SUSD6: variants seen among roughly 807,000 people sequenced by gnomAD.
SUSD6 encodes sushi domain-containing protein 6.
SUSD6 carries 16 observed loss-of-function variants against 28.4 expected under a neutral mutation model. That is an observed-to-expected ratio of 0.56 (90% CI 0.38 to 0.86). The LOEUF (loss-of-function observed/expected upper bound fraction) is 0.86, where lower values mean the gene tolerates loss of function less well. Ranked by LOEUF, SUSD6 falls within the 40% of genes least tolerant of loss-of-function variation. The pLI is 0.00. For missense variants in SUSD6, 341 were observed against 384.2 expected, an observed-to-expected ratio of 0.89 and a Z score of 0.94; for synonymous variants, 147 against 159.6, an observed-to-expected ratio of 0.92 and a Z score of 0.59.
intron 2 of SUSD6, among the ~76,000 whole-genome samples, chr14:69,678,125 T>C (rs971407131): frequency 4.6e-5 from 7 of 152,112 alleles, no homozygotes; most frequent in African/African-American, 1.7e-4. Flanking sequence ...GTGCATTTGG[T>C]GTTCCTGCTT....
rs1466977022 is a variant in SUSD6 at position 69,628,920 on chromosome 14, T to C, written c.-81+17092T>C. Among the ~76,000 whole-genome samples the C allele has an allele frequency of 5.9e-5, 9 of 152,206 alleles. No homozygotes were observed. In the East Asian group the frequency reaches 1.7e-3, roughly 29 times the overall value. ...TGGGGTTTTGCCATGTTACCCAGGC[T>C]GGTCTTGAACTCCTGGGCTCAAGTG... is the stretch of plus-strand genomic sequence containing the variant. On this transcript the variant is annotated intron_variant, in intron 1 of 5. Coordinates refer to ENST00000342745, the MANE Select transcript of SUSD6 (RefSeq NM_014734.4).
chr14:69,700,301 A>G (rs1346173573), intron 2 of SUSD6, among the ~76,000 whole-genome samples: 4 of 152,218 alleles, frequency 2.6e-5, no homozygotes. Context: ...TAGCTCCTGT[A>G]TCAATACTAG....
chr14:69,616,390 G>A (rs1465545036), intron 1 of SUSD6, among the ~76,000 whole-genome samples: 1 of 152,150 alleles, frequency 6.6e-6, no homozygotes, highest in Non-Finnish European at 1.5e-5. Flanking sequence ...TATGTAAACT[G>A]TCCTTGCTGA....
chr14:69,668,635 C>A (rs369163315), intron 2 of SUSD6, among the ~76,000 whole-genome samples: 76 of 137,986 alleles, frequency 5.5e-4, no homozygotes, highest in South Asian at 1.4e-3. Context: ...GAATTCGTCT[C>A]AAAAAAAAAA....
intron 1 of SUSD6, among the ~76,000 whole-genome samples, chr14:69,616,426 C>T (rs1244643821): frequency 6.6e-6 from 1 of 152,190 alleles, no homozygotes; most frequent in African/African-American, 2.4e-5. Flanking sequence ...GACTAGGCTT[C>T]AGCTTCTGAC....
chr14:69,678,324 TTATAATTATA>T (rs1357897504), intron 2 of SUSD6, among the ~76,000 whole-genome samples: 3 of 149,000 alleles, frequency 2.0e-5, no homozygotes, highest in Admixed American at 2.0e-4. Flanking sequence ...GTAACATAAT[TTATAATTATA>T]TATAATTATA....
chr14:69,642,899 G>A (rs1885373920), intron 1 of SUSD6, among the ~76,000 whole-genome samples: 2 of 152,268 alleles, frequency 1.3e-5, no homozygotes, highest in South Asian at 2.1e-4. Context: ...CAGATGTTTG[G>A]TGGTTTTGCT....
chr14:69,668,698 G>A (rs1275748), intron 2 of SUSD6, among the ~76,000 whole-genome samples: 129,311 of 151,514 alleles, frequency 0.85, 56,807 homozygotes, highest in Non-Finnish European at 0.95. Context: ...ATGTTAAATT[G>A]TAATTGCCAG....
intron 2 of SUSD6, among the ~76,000 whole-genome samples, chr14:69,696,345 A>G (rs1886225465): frequency 1.3e-5 from 2 of 152,248 alleles, no homozygotes; most frequent in Admixed American, 1.3e-4. Context: ...GGCACAGGTA[A>G]TAAACTATCT....
intron 1 of SUSD6, among the ~76,000 whole-genome samples, chr14:69,651,419 G>A (rs903784893): frequency 6.6e-6 from 1 of 152,190 alleles, no homozygotes; most frequent in African/African-American, 2.4e-5. Context: ...GGCTTAGGTG[G>A]CTTAAGAGGA....
intron 2 of SUSD6, among the ~76,000 whole-genome samples, chr14:69,698,567 G>A (rs1231754698): frequency 6.6e-6 from 1 of 152,178 alleles, no homozygotes; most frequent in Admixed American, 6.5e-5. Flanking sequence ...GTAAAAGTTT[G>A]TTTTGTTTTA....
chr14:69,684,333 T>C (rs1254926534), intron 2 of SUSD6, among the ~76,000 whole-genome samples: 3 of 152,226 alleles, frequency 2.0e-5, no homozygotes, highest in Admixed American at 6.5e-5. Context: ...AAATCTGATA[T>C]GTAAAATAAA....
intron 2 of SUSD6, among the ~76,000 whole-genome samples, chr14:69,688,230 C>A (rs746391975): frequency 6.6e-6 from 1 of 152,206 alleles, no homozygotes; most frequent in Non-Finnish European, 1.5e-5. Flanking sequence ...TTAGTAGCTA[C>A]CTAGCAAAGT....
chr14:69,646,915 A>T (rs1885436257), intron 1 of SUSD6, among the ~76,000 whole-genome samples: 1 of 151,728 alleles, frequency 6.6e-6, no homozygotes, highest in South Asian at 2.1e-4. Flanking sequence ...GTTAGCCAGG[A>T]TGGTCTCGAA....
intron 1 of SUSD6, among the ~76,000 whole-genome samples, chr14:69,615,105 T>G (rs1163111889): frequency 2.6e-5 from 4 of 152,264 alleles, no homozygotes; most frequent in African/African-American, 9.6e-5. Flanking sequence ...ATGTCTTGTC[T>G]TCTTTTCAAC....
At chr14:69,682,611 T>A (rs1699363402) in intron 2 of SUSD6, among the ~76,000 whole-genome samples, 1 of 152,230 alleles carries the variant, frequency 6.6e-6, no homozygotes, top group Non-Finnish European at 1.5e-5. Context: ...ACTGTGCAAT[T>A]GTTTTAAAGA....
Position 69,708,812 on chromosome 14 carries a change from T to A in SUSD6, c.594T>A (p.Ile198=), listed in dbSNP as rs1324538990. ...CACCTGCTGACCCCAGAGTACAGAT[T>A]GTGCTGTCAGAAGGGTCTGGGCCCA... ...CVPPADPRVQ[I]VLSEGSGPSG... is the part of the protein sequence containing the mutation. The change falls in exon 5 of 6, where the codon ATT becomes ATA. Residue 198 remains isoleucine, a synonymous_variant. Coordinates refer to ENST00000342745, the MANE Select transcript of SUSD6 (RefSeq NM_014734.4). The A allele has an allele frequency of 2.5e-5, 40 of 1,614,044 alleles. No homozygotes were observed. Among genetic ancestry groups the A allele is most frequent in the Non-Finnish European group, 3.1e-5 (36 of 1,180,030 alleles).
chr14:69,639,268 C>A (rs1191418346), intron 1 of SUSD6, among the ~76,000 whole-genome samples: 1 of 119,656 alleles, frequency 8.4e-6, no homozygotes, highest in African/African-American at 3.2e-5. Flanking sequence ...GCGGAGCTTG[C>A]AGTGAGCCGG....
At chr14:69,702,413 C>T (rs764291903) in intron 2 of SUSD6, among the ~76,000 whole-genome samples, 2 of 152,256 alleles carry the variant, frequency 1.3e-5, no homozygotes, top group Non-Finnish European at 2.9e-5. Context: ...TGTCCTTTTC[C>T]TCCTCAGGTC....
Sources: allele counts gnomAD v4.1 joint callset (sites outside exome capture counted in the v4.1 genomes callset), GRCh38; gene constraint gnomAD v4.1.1; transcripts MANE v1.5; gene names NCBI Gene and HGNC (gene_info 2026-07-23, HGNC 2026-07-21).